The following CALD1 variants were observed in gnomAD, a reference collection of about 807,000 sequenced individuals.
CALD1 encodes the protein caldesmon 1.
A neutral mutation model predicts 99.9 loss-of-function variants in CALD1; 33 were observed. The ratio of observed to expected loss-of-function variants is 0.33; its 90% CI spans 0.25 to 0.44. The LOEUF is 0.44. Ranked by LOEUF, CALD1 falls within the 20% of genes least tolerant of loss-of-function variation. CALD1 has a pLI of 1.00. For missense variants in CALD1, 861 were observed against 962.1 expected (o/e 0.89, Z 1.39); for synonymous variants, 310 against 325.0 (o/e 0.95, Z 0.50).
chr7:134,800,979 T>G (rs987700944), intron 1 of CALD1, among the ~76,000 whole-genome samples: 2 of 152,118 alleles, frequency 1.3e-5, no homozygotes, highest in African/African-American at 4.8e-5. Context: ...TTATTTGAAA[T>G]GTATCTAACC....
chr7:134,886,630 T>C (rs1273443215), intron 3 of CALD1, among the ~76,000 whole-genome samples: 1 of 152,214 alleles, frequency 6.6e-6, no homozygotes, highest in Admixed American at 6.5e-5. Flanking sequence ...CATTGGCGTC[T>C]AGCCTAGAAA....
intron 1 of CALD1, among the ~76,000 whole-genome samples, chr7:134,804,990 C>A (rs1192103458): frequency 6.6e-6 from 1 of 152,086 alleles, no homozygotes; most frequent in Non-Finnish European, 1.5e-5. Context: ...GGGTAGGGGG[C>A]CAGTGAGTTG....
the CALD1 span, among the ~76,000 whole-genome samples, chr7:134,712,333 T>G: frequency 6.6e-6 from 1 of 152,148 alleles, no homozygotes; most frequent in African/African-American, 2.4e-5. Flanking sequence ...GAATCTGTCT[T>G]GGCGCAGTCA....
intron 14 of CALD1, among the ~76,000 whole-genome samples, chr7:134,967,820 G>T (rs1214848182): frequency 6.6e-6 from 1 of 151,984 alleles, no homozygotes; most frequent in African/African-American, 2.4e-5. Context: ...AGAGGGAAGT[G>T]AAAAAAATCA....
intron 3 of CALD1, among the ~76,000 whole-genome samples, chr7:134,911,371 C>T (rs1803801119): frequency 6.6e-6 from 1 of 152,070 alleles, no homozygotes; most frequent in African/African-American, 2.4e-5. Context: ...CACAAAACTT[C>T]CAACAGAGTG....
At chr7:134,946,452 T>A (rs1362538530) in intron 7 of CALD1, among the ~76,000 whole-genome samples, 1 of 152,188 alleles carries the variant, frequency 6.6e-6, no homozygotes, top group African/African-American at 2.4e-5. Context: ...ACTGAAAGAC[T>A]ACACCCATTA....
the CALD1 span, among the ~76,000 whole-genome samples, chr7:134,732,892 C>T: frequency 3.3e-5 from 5 of 152,224 alleles, no homozygotes; most frequent in African/African-American, 1.2e-4. Flanking sequence ...CGGGATGGGC[C>T]CAGGCCTGGA....
intron 2 of CALD1, among the ~76,000 whole-genome samples, chr7:134,864,310 G>T (rs1275336413): frequency 2.1e-5 from 3 of 145,842 alleles, no homozygotes; most frequent in African/African-American, 7.7e-5. Flanking sequence ...TCGCGCCATT[G>T]CACTCCAGCC....
the CALD1 span, among the ~76,000 whole-genome samples, chr7:134,711,540 G>C: frequency 2.6e-5 from 4 of 151,790 alleles, no homozygotes; most frequent in Non-Finnish European, 2.9e-5. Context: ...GCTCTTCCCT[G>C]GTCTCCAGCC....
At chr7:134,722,805 T>C in the CALD1 span, among the ~76,000 whole-genome samples, 2 of 152,154 alleles carry the variant, frequency 1.3e-5, no homozygotes, top group African/African-American at 4.8e-5. Flanking sequence ...TTACTTCCAT[T>C]TACCCACAGT....
At chr7:134,882,107 G>C (rs1036241621) in intron 3 of CALD1, among the ~76,000 whole-genome samples, 2 of 152,130 alleles carry the variant, frequency 1.3e-5, no homozygotes, top group African/African-American at 4.8e-5. Context: ...ATTTCCCCAA[G>C]ACCAGCATAC....
chr7:134,722,655 C>T, the CALD1 span, among the ~76,000 whole-genome samples: 1 of 152,040 alleles, frequency 6.6e-6, no homozygotes, highest in Non-Finnish European at 1.5e-5. Context: ...CTCCTGACCT[C>T]GTGATCTGCC....
intron 1 of CALD1, among the ~76,000 whole-genome samples, chr7:134,795,986 C>T (rs972977728): frequency 1.3e-5 from 2 of 152,066 alleles, no homozygotes; most frequent in Non-Finnish European, 2.9e-5. Flanking sequence ...TTGTTTTTTA[C>T]TTTTTTAAAC....
At chr7:134,940,290 T>A (rs566618628) in intron 6 of CALD1, among the ~76,000 whole-genome samples, 28 of 152,308 alleles carry the variant, frequency 1.8e-4, no homozygotes, top group Non-Finnish European at 3.5e-4. Flanking sequence ...AAATAATCTG[T>A]CTCACTTACT....
At chr7:134,738,033 T>C in the CALD1 span, among the ~76,000 whole-genome samples, 2 of 152,228 alleles carry the variant, frequency 1.3e-5, no homozygotes, top group East Asian at 1.9e-4. Context: ...CCTGCTATGC[T>C]GGTTGAGAAA....
chr7:134,790,082 G>GGA (rs56962467), intron 1 of CALD1, among the ~76,000 whole-genome samples: 41,251 of 142,118 alleles, frequency 0.29, 6,247 homozygotes, highest in East Asian at 0.59. Context: ...AAAGAAATAA[G>GGA]GAGAGAGAGA....
At chr7:134,914,089 C>T (rs1804029282) in intron 3 of CALD1, among the ~76,000 whole-genome samples, 1 of 152,190 alleles carries the variant, frequency 6.6e-6, no homozygotes, top group South Asian at 2.1e-4. Context: ...CTTCTAGTTT[C>T]ATTAATCTAT....
At chr7:134,893,252 T>A (rs1802332970) in intron 3 of CALD1, among the ~76,000 whole-genome samples, 1 of 152,164 alleles carries the variant, frequency 6.6e-6, no homozygotes, top group Non-Finnish European at 1.5e-5. Context: ...GTCCTCGGCC[T>A]CTGTCTCTCT....
chr7:134,711,979 A>G, the CALD1 span, among the ~76,000 whole-genome samples: 1 of 140,328 alleles, frequency 7.1e-6, no homozygotes. Flanking sequence ...ATAGGTACCA[A>G]ATAAAGGAAG....
Sources: gnomAD v4.1 joint callset for allele counts (sites outside exome capture counted in the v4.1 genomes callset) on GRCh38, gnomAD v4.1.1 for gene constraint, MANE v1.5 for transcripts, NCBI Gene and HGNC (gene_info 2026-07-23, HGNC 2026-07-21) for gene names.